Variants in CNTN4 observed in about 807,000 individuals in gnomAD.
CNTN4 encodes contactin-4.
A neutral mutation model predicts 122.5 loss-of-function variants in CNTN4; 77 were observed. The observed-to-expected ratio is 0.63, with a 90% CI of 0.52 to 0.76. The LOEUF is 0.76. Among genes scored for constraint, CNTN4 ranks in the 30% least tolerant of loss-of-function variants. The probability of loss-of-function intolerance (pLI) is 0.00; values close to 1 mark genes in which losing one functional copy is unlikely to be tolerated. For synonymous variants in CNTN4, 512 were observed against 447.0 expected (o/e 1.15, Z -1.83); for missense variants, 1,256 against 1,259.1 (o/e 1.00, Z 0.04).
chr3:2,658,680 A>C (rs1051238892), intron 4 of CNTN4, among the ~76,000 whole-genome samples: 6 of 152,066 alleles, frequency 3.9e-5, no homozygotes, highest in Non-Finnish European at 2.9e-5. Flanking sequence ...CAGAATGTCT[A>C]TTTTGTTTAA....
chr3:2,244,212 T>TAA (rs60311939), intron 2 of CNTN4, among the ~76,000 whole-genome samples: 52 of 149,088 alleles, frequency 3.5e-4, no homozygotes, highest in Non-Finnish European at 3.0e-4. Flanking sequence ...CATACTGTAA[T>TAA]AAAAAAAATC....
chr3:2,537,685 G>A (rs1490697734), intron 3 of CNTN4, among the ~76,000 whole-genome samples: 3 of 151,974 alleles, frequency 2.0e-5, no homozygotes, highest in Non-Finnish European at 4.4e-5. Context: ...TGGGAATTTC[G>A]TTGGTCTTAT....
At chr3:2,422,539 A>C (rs768472876) in intron 3 of CNTN4, among the ~76,000 whole-genome samples, 9 of 152,342 alleles carry the variant, frequency 5.9e-5, no homozygotes, top group Non-Finnish European at 1.3e-4. Context: ...TTTTGGATCA[A>C]GTGCTTATAT....
intron 5 of CNTN4, among the ~76,000 whole-genome samples, chr3:2,740,786 A>C (rs916490470): frequency 1.3e-5 from 2 of 152,204 alleles, no homozygotes; most frequent in African/African-American, 4.8e-5. Context: ...GTAATTTTCA[A>C]ATAGGCAGAG....
chr3:2,422,080 T>C (rs915368290), intron 3 of CNTN4, among the ~76,000 whole-genome samples: 9 of 152,124 alleles, frequency 5.9e-5, no homozygotes, highest in Non-Finnish European at 8.8e-5. Flanking sequence ...AATAGTAAAA[T>C]AAAAAGGCAG....
At chr3:2,309,787 G>T (rs1322198903) in intron 2 of CNTN4, among the ~76,000 whole-genome samples, 1 of 152,206 alleles carries the variant, frequency 6.6e-6, no homozygotes, top group South Asian at 2.1e-4. Flanking sequence ...AGCAAGTTAT[G>T]TCTAATGAGC....
intron 8 of CNTN4, among the ~76,000 whole-genome samples, chr3:2,873,878 G>C (rs1162763693): frequency 1.3e-5 from 2 of 152,152 alleles, no homozygotes; most frequent in East Asian, 3.8e-4. Flanking sequence ...TTAAGATCTA[G>C]AGTTTATACC....
At chr3:2,747,417 AATAAAAATAAAAATAAAAAAT>A (rs1395522613) in intron 6 of CNTN4, among the ~76,000 whole-genome samples, 2,095 of 9,718 alleles carry the variant, frequency 0.22, 39 homozygotes, top group African/African-American at 0.27. Flanking sequence ...TAAAAAAAAA[AATAAAAATAAAAATAAAAAAT>A]AAAATACTAT....
In CNTN4 at chr3:2,742,902, A is replaced by G. The variant is rs539637855; in HGVS notation, c.183-2620A>G. 2.1e-4 allele frequency among the ~76,000 whole-genome samples: 32 copies of G among 152,346 alleles called. No individual in the cohort carries two copies. In the South Asian group the frequency reaches 4.1e-3, roughly 20 times the overall value. ...TGGAATGAACAGTGACTGCATTGCA[A>G]TAAAACTTGGTATAGCGCTTTGTAA... On this transcript the variant is annotated intron_variant, in intron 5 of 24. Transcript: ENST00000418658.
intron 6 of CNTN4, among the ~76,000 whole-genome samples, chr3:2,797,512 C>T (rs1321920356): frequency 3.9e-5 from 6 of 152,138 alleles, no homozygotes; most frequent in African/African-American, 1.4e-4. Flanking sequence ...GCAGGAGAAT[C>T]ACTTAAACCT....
At chr3:2,835,341 G>C (rs1469578145) in intron 7 of CNTN4, among the ~76,000 whole-genome samples, 1 of 152,110 alleles carries the variant, frequency 6.6e-6, no homozygotes, top group Non-Finnish European at 1.5e-5. Context: ...AATTACTAAT[G>C]CATATTTGTT....
chr3:2,952,496 GT>G (rs1208567948), intron 13 of CNTN4, among the ~76,000 whole-genome samples: 8 of 152,214 alleles, frequency 5.3e-5, no homozygotes, highest in Admixed American at 5.2e-4. Flanking sequence ...CCACTGTAGA[GT>G]TTTTGTTACA....
chr3:2,218,228 C>G (rs1685509), intron 2 of CNTN4, among the ~76,000 whole-genome samples: 146,313 of 152,306 alleles, frequency 0.96, 70,395 homozygotes, highest in East Asian at 1. Context: ...AATGTGCAAT[C>G]TAATTTTAAT....
intron 6 of CNTN4, among the ~76,000 whole-genome samples, chr3:2,787,798 T>TG (rs1180767001): frequency 5.9e-5 from 9 of 151,462 alleles, no homozygotes; most frequent in Non-Finnish European, 5.9e-5. Context: ...TTTTTGTTTT[T>TG]TTTTTTTTTG....
chr3:2,509,875 T>G (rs2076834996), intron 3 of CNTN4, among the ~76,000 whole-genome samples: 1 of 152,142 alleles, frequency 6.6e-6, no homozygotes, highest in South Asian at 2.1e-4. Flanking sequence ...ATATAAAGAC[T>G]CTTTCCCCAC....
At chr3:2,102,102 A>C (rs925733648) in intron 2 of CNTN4, among the ~76,000 whole-genome samples, 2 of 152,244 alleles carry the variant, frequency 1.3e-5, no homozygotes, top group South Asian at 4.1e-4. Flanking sequence ...CCCAAAGTAG[A>C]CATACAGGTG....
At chr3:2,663,177 A>G (rs1485829406) in intron 4 of CNTN4, among the ~76,000 whole-genome samples, 1 of 152,180 alleles carries the variant, frequency 6.6e-6, no homozygotes, top group Non-Finnish European at 1.5e-5. Context: ...AGGAGCTTGT[A>G]TTTTACTTTT....
chr3:2,298,022 G>A (rs909079821), intron 2 of CNTN4, among the ~76,000 whole-genome samples: 5 of 152,178 alleles, frequency 3.3e-5, no homozygotes, highest in Admixed American at 1.3e-4. Flanking sequence ...GTGAGCCAGC[G>A]TGCCTGGTCA....
At chr3:2,647,976 G>A (rs1272099077) in intron 4 of CNTN4, among the ~76,000 whole-genome samples, 1 of 152,156 alleles carries the variant, frequency 6.6e-6, no homozygotes, top group Admixed American at 6.5e-5. Flanking sequence ...ACTGTAATTT[G>A]CAGTTGACGC....
Sources: gnomAD v4.1 joint callset for allele counts (sites outside exome capture counted in the v4.1 genomes callset) on GRCh38, gnomAD v4.1.1 for gene constraint, MANE v1.5 for transcripts, NCBI Gene and HGNC (gene_info 2026-07-23, HGNC 2026-07-21) for gene names.